Variants in FRMD4B observed in about 807,000 individuals in gnomAD.
The protein encoded by FRMD4B is FERM domain-containing protein 4B.
FRMD4B carries 74 observed loss-of-function variants against 141.5 expected under a neutral mutation model. That is an observed-to-expected ratio of 0.52 (90% CI 0.43 to 0.63). FRMD4B has a LOEUF of 0.63. FRMD4B is among the 30% of genes least tolerant of loss of function. The pLI is 0.00. For synonymous variants in FRMD4B, 506 were observed against 467.9 expected (o/e 1.08, Z -1.05); for missense variants, 1,366 against 1,253.4 (o/e 1.09, Z -1.36).
chr3:69,302,327 G>A lies in FRMD4B; in HGVS notation c.416+16C>T, dbSNP rs1469232213. 1 of 1,398,072 alleles carries A rather than the reference G, an allele frequency of 7.2e-7. No homozygotes were observed. The allele number at this position is 1,398,072 out of a possible 1,614,324, so 86.6% of individuals were successfully genotyped here. On this transcript the variant is annotated intron_variant, in intron 4 of 22. Transcript: ENST00000398540. ...GCAAAAAAAGAGGGATGCTAACTGG[G>A]TCTGTGGATACATACCTCACAGCAA...
intron 5 of FRMD4B, among the ~76,000 whole-genome samples, chr3:69,257,775 C>A (rs1318390941): frequency 6.6e-6 from 1 of 152,080 alleles, no homozygotes; most frequent in African/African-American, 2.4e-5. Flanking sequence ...AATTCTCCCA[C>A]CTCAGCCTCC....
intron 2 of FRMD4B, among the ~76,000 whole-genome samples, chr3:69,406,974 C>G (rs1704660662): frequency 6.7e-6 from 1 of 150,366 alleles, no homozygotes; most frequent in African/African-American, 2.5e-5. Context: ...TCTCAAACTC[C>G]TGACTTCAAG....
chr3:69,357,610 G>C (rs181524527), intron 1 of FRMD4B, among the ~76,000 whole-genome samples: 1 of 152,270 alleles, frequency 6.6e-6, no homozygotes, highest in African/African-American at 2.4e-5. Flanking sequence ...GTGGAAGCAG[G>C]ATCCCAATTT....
intron 8 of FRMD4B, among the ~76,000 whole-genome samples, chr3:69,222,253 G>A (rs1238514389): frequency 6.6e-6 from 1 of 151,810 alleles, no homozygotes; most frequent in East Asian, 1.9e-4. Context: ...GGATCATGAG[G>A]TCAGGAGATT....
chr3:69,433,096 A>C (rs1008316372), intron 1 of FRMD4B: 1 of 152,196 alleles, frequency 6.6e-6, no homozygotes, highest in Non-Finnish European at 1.5e-5. Context: ...CTCAGTTGCA[A>C]AATCAGGGCT....
chr3:69,343,583 T>TTTG (rs1559818223), intron 1 of FRMD4B, among the ~76,000 whole-genome samples: 23 of 42,862 alleles, frequency 5.4e-4, no homozygotes, highest in African/African-American at 1.9e-3. Context: ...TTTTGTTTTT[T>TTTG]TTTTTTTTTT....
At position 69,169,501 on chromosome 3, in the gene FRMD4B, G is replaced by C. The variant is rs777506875; in HGVS notation, c.*2360C>G. On this transcript the variant is annotated 3_prime_UTR_variant, in exon 23 of 23. Coordinates refer to ENST00000398540, the MANE Select transcript of FRMD4B (RefSeq NM_015123.3). ...GCCTCCCAAGTAGCTGAGATTACAG[G>C]CACACATCACCATGACTGGCTAATT... 6.6e-6 allele frequency among the ~76,000 whole-genome samples: 1 copy of C among 151,936 alleles called. No individual in the cohort carries two copies. The highest frequency in any genetic ancestry group is 1.5e-5 in the Non-Finnish European group (1 of 67,992).
rs578203608 is a variant in FRMD4B, at chr3:69,255,882, T to A, written c.502-5783A>T. On this transcript the variant is annotated intron_variant, in intron 5 of 22. Coordinates refer to ENST00000398540, the MANE Select transcript of FRMD4B (RefSeq NM_015123.3). ...GCTACTTGATGTTGGTAGTCAACTG[T>A]ATCCACTGCTGAGCAGAGTCAGACT... Among the ~76,000 whole-genome samples, 2 of 152,312 alleles carry A rather than the reference T, an allele frequency of 1.3e-5. 1 individual carries two copies. Among genetic ancestry groups the A allele is most frequent in the African/African-American group, 4.8e-5 (2 of 41,568 alleles).
intron 1 of FRMD4B, among the ~76,000 whole-genome samples, chr3:69,518,655 A>G (rs1700802728): frequency 6.6e-6 from 1 of 152,166 alleles, no homozygotes; most frequent in Non-Finnish European, 1.5e-5. Context: ...GCTGGAGCAA[A>G]GATTGACCCC....
At chr3:69,466,476 C>A (rs1033145837) in intron 1 of FRMD4B, among the ~76,000 whole-genome samples, 2 of 152,092 alleles carry the variant, frequency 1.3e-5, no homozygotes, top group Non-Finnish European at 2.9e-5. Context: ...TGAGGATACA[C>A]ACTGAAATAT....
chr3:69,389,120 G>GC (rs1274396704), upstream of FRMD4B, among the ~76,000 whole-genome samples: 2 of 144,590 alleles, frequency 1.4e-5, no homozygotes, highest in Admixed American at 7.2e-5. Flanking sequence ...TGCAACCTCC[G>GC]CCTCCCGGGT....
intron 5 of FRMD4B, among the ~76,000 whole-genome samples, chr3:69,266,314 G>C (rs1343008140): frequency 6.6e-6 from 1 of 152,090 alleles, no homozygotes; most frequent in Admixed American, 6.6e-5. Flanking sequence ...GCATCAAAAT[G>C]AATGACAGAA....
chr3:69,311,619 C>G (rs1232289802), intron 2 of FRMD4B, among the ~76,000 whole-genome samples: 3 of 152,110 alleles, frequency 2.0e-5, no homozygotes, highest in African/African-American at 7.2e-5. Context: ...CATTTTCCCT[C>G]TAAGGTGCAC....
intron 1 of FRMD4B, among the ~76,000 whole-genome samples, chr3:69,364,705 G>C (rs1330279906): frequency 6.6e-6 from 1 of 152,092 alleles, no homozygotes; most frequent in Non-Finnish European, 1.5e-5. Flanking sequence ...TCGTGGCTAT[G>C]AAATCTCATC....
intron 1 of FRMD4B, among the ~76,000 whole-genome samples, chr3:69,537,594 C>G (rs1044683970): frequency 2.6e-5 from 4 of 152,182 alleles, no homozygotes; most frequent in African/African-American, 4.8e-5. Flanking sequence ...ATCAATATAT[C>G]TGCCTTTTTC....
chr3:69,189,065 T>C (rs1214640325), intron 18 of FRMD4B, among the ~76,000 whole-genome samples: 1 of 150,704 alleles, frequency 6.6e-6, no homozygotes, highest in African/African-American at 2.4e-5. Flanking sequence ...CTACTAAAAA[T>C]ACAAAAATTA....
At chr3:69,437,174 G>A (rs923741586) in intron 1 of FRMD4B, among the ~76,000 whole-genome samples, 1 of 152,034 alleles carries the variant, frequency 6.6e-6, no homozygotes, top group African/African-American at 2.4e-5. Flanking sequence ...CCAGGCTCAA[G>A]CGACCCACCC....
chr3:69,433,434 G>A (rs1189288295), intron 1 of FRMD4B, among the ~76,000 whole-genome samples: 1 of 152,152 alleles, frequency 6.6e-6, no homozygotes, highest in Non-Finnish European at 1.5e-5. Context: ...GGACAAGGAG[G>A]GAGGCAGAAG....
chr3:69,520,050 C>CATAT (rs1211653051), intron 1 of FRMD4B, among the ~76,000 whole-genome samples: 10 of 76,580 alleles, frequency 1.3e-4, no homozygotes, highest in African/African-American at 7.2e-4. Context: ...ATATTCCATC[C>CATAT]ATATATATAT....
Sources: gnomAD v4.1 joint callset for allele counts (sites outside exome capture counted in the v4.1 genomes callset) on GRCh38, gnomAD v4.1.1 for gene constraint, MANE v1.5 for transcripts, NCBI Gene and HGNC (gene_info 2026-07-23, HGNC 2026-07-21) for gene names.